The following ANLN variants were observed in gnomAD, a reference collection of about 807,000 sequenced individuals.
The protein encoded by ANLN is anillin, actin binding protein.
A neutral mutation model predicts 135.1 loss-of-function variants in ANLN; 59 were observed. That is an observed-to-expected ratio of 0.44 (90% CI 0.35 to 0.54). ANLN has a LOEUF of 0.54. Ranked by LOEUF, ANLN falls within the 20% of genes least tolerant of loss-of-function variation. ANLN has a pLI of 0.00. For synonymous variants in ANLN, 406 were observed against 456.4 expected (o/e 0.89, Z 1.41); for missense variants, 1,182 against 1,340.0 (o/e 0.88, Z 1.84).
At chr7:36,408,087 G>T (rs1436962249) in intron 5 of ANLN, 131 bp downstream of exon 5, 7 of 698,604 alleles carry the variant, frequency 1.0e-5, no homozygotes, top group Non-Finnish European at 1.6e-5. Flanking sequence ...TTCCAAATGA[G>T]ACCTCAGCTT....
chr7:36,391,052 G>A (rs197355), intron 1 of ANLN, among the ~76,000 whole-genome samples: 36,537 of 152,212 alleles, frequency 0.24, 5,164 homozygotes, highest in South Asian at 0.36. Flanking sequence ...AGTTATGTAT[G>A]AGATATTAAT....
intron 21 of ANLN, among the ~76,000 whole-genome samples, chr7:36,442,137 A>T (rs1379015393): frequency 2.0e-5 from 3 of 152,206 alleles, no homozygotes; most frequent in African/African-American, 4.8e-5. Flanking sequence ...TGTATATCCT[A>T]TTGTCATAGG....
chr7:36,398,718 G>A (rs773195871), intron 2 of ANLN, among the ~76,000 whole-genome samples: 5 of 152,074 alleles, frequency 3.3e-5, no homozygotes, highest in Admixed American at 6.5e-5. Flanking sequence ...CACATCACCC[G>A]AGCAGTATAC....
At chr7:36,412,591 G>A in intron 7 of ANLN, among the ~76,000 whole-genome samples, 1 of 152,020 alleles carries the variant, frequency 6.6e-6, no homozygotes, top group East Asian at 1.9e-4. Context: ...GCCTCTCAAA[G>A]TGCAGGGATT....
intron 20 of ANLN, among the ~76,000 whole-genome samples, chr7:36,431,634 T>A (rs757135636): frequency 0.011 from 1,287 of 116,368 alleles, 17 homozygotes; most frequent in Middle Eastern, 0.03. Flanking sequence ...ATATATATAT[T>A]ACCATTTTAT....
intron 6 of ANLN, 71 bp downstream of exon 6, chr7:36,410,775 C>A: frequency 7.0e-7 from 1 of 1,430,912 alleles, no homozygotes; most frequent in Non-Finnish European, 9.5e-7. Flanking sequence ...AAAATGGGTT[C>A]TGATGCCAGT....
At chr7:36,432,026 A>G (rs908987865) in intron 20 of ANLN, among the ~76,000 whole-genome samples, 1 of 152,150 alleles carries the variant, frequency 6.6e-6, no homozygotes, top group Non-Finnish European at 1.5e-5. Flanking sequence ...AGCCTGAGCA[A>G]CATAGATGAT....
rs748408965 is a variant in ANLN, at chr7:36,410,642, G to A, written c.1225G>A (p.Glu409Lys). Residue 409 changes from glutamate to lysine, a missense_variant, in exon 6 of 24, where the codon GAA (glutamate) becomes AAA (lysine). By Grantham distance (56) the Glu-to-Lys change is moderately conservative. This residue lies in a region of ANLN where 1,022 missense variants were observed against 1,134.0 expected (regional missense o/e 0.90). Transcript: ENST00000265748. ...IITPNTKAIQ[E>K]RLFKQDTSSS... ...TACTCCAAATACAAAGGCCATCCAAGAAAGATTATTCAAGCAAGACACATC... is the reference window on the plus strand; with the variant it reads ...TACTCCAAATACAAAGGCCATCCAAAAAAGATTATTCAAGCAAGACACATC... The A allele has an allele frequency of 2.5e-6, 4 of 1,614,074 alleles. No homozygotes were observed. The South Asian group carries it at 4.4e-5, about 18-fold the overall frequency.
intron 14 of ANLN, 29 bp downstream of exon 14, chr7:36,422,838 GTTAAAT>G: frequency 6.4e-7 from 1 of 1,563,262 alleles, no homozygotes. Context: ...TAGATTGTGT[GTTAAAT>G]TATGAACCTC....
chr7:36,449,438 G>T, intron 22 of ANLN: 1 of 376,308 alleles, frequency 2.7e-6, no homozygotes, highest in Non-Finnish European at 4.7e-6. Context: ...GAGCTTTATA[G>T]GATAGTTGGC....
At chr7:36,415,594 G>A (rs1047540772) in intron 7 of ANLN, among the ~76,000 whole-genome samples, 164 bp from the exon 8 acceptor site, 3 of 151,998 alleles carry the variant, frequency 2.0e-5, no homozygotes, top group African/African-American at 4.8e-5. Context: ...AGGGTTTGTC[G>A]TGTTCTGAAC....
chr7:36,389,907 A>C lies in ANLN; in HGVS notation c.-120A>C. ...AGAGGAGAGGACAGCTGGTTGTGGGAGAGTTCCCCCGCCTCAGACTCCTGG... is the reference window on the plus strand; with the variant it reads ...AGAGGAGAGGACAGCTGGTTGTGGGCGAGTTCCCCCGCCTCAGACTCCTGG... On this transcript the variant is annotated 5_prime_UTR_variant, in exon 1 of 24. Coordinates refer to ENST00000265748, the MANE Select transcript of ANLN (RefSeq NM_018685.5). 1 of 1,574,562 alleles carries C rather than the reference A, an allele frequency of 6.4e-7. No individual in the cohort carries two copies. The highest frequency in any genetic ancestry group is 8.7e-7 in the Non-Finnish European group (1 of 1,148,290).
intron 4 of ANLN, among the ~76,000 whole-genome samples, chr7:36,407,349 A>C (rs1259315261): frequency 6.6e-6 from 1 of 152,236 alleles, no homozygotes; most frequent in Admixed American, 6.5e-5. Flanking sequence ...TATGAAGTAC[A>C]TGATACTATT....
intron 1 of ANLN, among the ~76,000 whole-genome samples, chr7:36,391,201 G>A (rs1238044419): frequency 6.6e-6 from 1 of 152,068 alleles, no homozygotes; most frequent in African/African-American, 2.4e-5. Flanking sequence ...AAAATCTAGA[G>A]CCTATTTTTG....
rs757847413 is a variant in ANLN, at chr7:36,389,992, C to G, written c.-35C>G. ...TTTTCTCTTCCTGAATTTGAACCAC[C>G]GTTTCCATCGTCTCGTAGTCCGACG... On this transcript the variant is annotated 5_prime_UTR_variant, in exon 1 of 24. Transcript: ENST00000265748. 1.4e-5 allele frequency: 23 copies of G among 1,613,994 alleles called. No individual in the cohort carries two copies. The highest frequency in any genetic ancestry group is 2.7e-5 in the African/African-American group (2 of 74,942).
chr7:36,429,242 A>G (rs1005261767), intron 20 of ANLN, among the ~76,000 whole-genome samples: 19 of 151,566 alleles, frequency 1.3e-4, no homozygotes, highest in African/African-American at 4.6e-4. Context: ...TTGTTTTGAG[A>G]TAGAGTCTCA....
chr7:36,420,117 A>T, intron 10 of ANLN, 52 bp from the exon 11 acceptor site: 1 of 1,544,912 alleles, frequency 6.5e-7, no homozygotes. Flanking sequence ...TCACAGAATA[A>T]AATGAATTAT....
chr7:36,391,698 T>C (rs1562779615), intron 1 of ANLN, among the ~76,000 whole-genome samples: 1 of 152,224 alleles, frequency 6.6e-6, no homozygotes, highest in South Asian at 2.1e-4. Context: ...CAACCAGGGT[T>C]TCCTCTCAGA....
At chr7:36,423,674 T>G (rs1368277507) in intron 14 of ANLN, 143 bp from the exon 15 acceptor site, 4 of 776,008 alleles carry the variant, frequency 5.2e-6, no homozygotes, top group Non-Finnish European at 7.3e-6. Context: ...TTTTTGTGTC[T>G]GGAAAGTTGA....
Sources: gnomAD v4.1 joint callset for allele counts (sites outside exome capture counted in the v4.1 genomes callset) on GRCh38, gnomAD v4.1.1 for gene constraint, gnomAD v4.1.1 regional missense constraint, MANE v1.5 for transcripts, NCBI Gene and HGNC (gene_info 2026-07-23, HGNC 2026-07-21) for gene names.